The following SMARCAD1 variants were observed in gnomAD, a reference collection of about 807,000 sequenced individuals.
SMARCAD1 encodes the protein SNF2 related chromatin remodeling ATPase with DExD box 1.
A neutral mutation model predicts 127.1 loss-of-function variants in SMARCAD1; 25 were observed. That is an observed-to-expected ratio of 0.20 (90% CI 0.14 to 0.27). The LOEUF is 0.27. Ranked by LOEUF, SMARCAD1 falls within the 10% of genes least tolerant of loss-of-function variation. The probability of loss-of-function intolerance (pLI) is 1.00; values close to 1 mark genes in which losing one functional copy is unlikely to be tolerated. For synonymous variants in SMARCAD1, 400 were observed against 396.9 expected (o/e 1.01, Z -0.09); for missense variants, 807 against 1,206.0 (o/e 0.67, Z 4.90).
At chr4:94,280,828 ACTTC>A in intron 20 of SMARCAD1, 48 bp downstream of exon 20, 1 of 1,576,566 alleles carries the variant, frequency 6.3e-7, no homozygotes, top group Non-Finnish European at 8.7e-7. Context: ...AATTACTTTA[ACTTC>A]TTAAAGCAAT....
chr4:94,229,646 T>G (rs185127056), intron 3 of SMARCAD1, among the ~76,000 whole-genome samples: 156 of 152,212 alleles, frequency 1.0e-3, no homozygotes, highest in African/African-American at 3.7e-3. Flanking sequence ...GAAATGATAC[T>G]TGGAAATATA....
intron 3 of SMARCAD1, 55 bp downstream of exon 3, chr4:94,226,351 A>G (rs901280853): frequency 2.1e-5 from 31 of 1,485,998 alleles, no homozygotes; most frequent in Non-Finnish European, 2.9e-5. Context: ...TTTCCAAGAA[A>G]AAAACCTACC....
At chr4:94,261,125 A>G (rs1288954525) in intron 9 of SMARCAD1, among the ~76,000 whole-genome samples, 1 of 151,850 alleles carries the variant, frequency 6.6e-6, no homozygotes, top group East Asian at 1.9e-4. Flanking sequence ...GAATAGTACT[A>G]TATTCTTTTT....
rs1250172957 is a variant in SMARCAD1 at position 94,225,889 on chromosome 4, G to C, written c.191-230G>C. 3.9e-5 allele frequency among the ~76,000 whole-genome samples: 6 copies of C among 152,226 alleles called. No homozygotes were observed. The East Asian group carries it at 1.2e-3, about 29-fold the overall frequency. ...ATTAGAATATAAAACACAAACCTAT[G>C]TTATTTTGCAGTTTCCACTAAAGTC... On this transcript the variant is annotated intron_variant, in intron 2 of 23. Transcript: ENST00000354268.
rs115984326 is a variant in SMARCAD1 at position 94,279,581 on chromosome 4, A to G, written c.2418+531A>G. On this transcript the variant is annotated intron_variant, in intron 19 of 23. Coordinates refer to ENST00000354268, the MANE Select transcript of SMARCAD1 (RefSeq NM_020159.5). ...TATAAATAAGGTTTTACTATAACAC[A>G]GTCATGCCTGTTTTTGTTTTCTGGG... is the stretch of plus-strand genomic sequence containing the variant. Among the ~76,000 whole-genome samples the G allele has an allele frequency of 8.4e-3, 1,283 of 152,312 alleles. 16 individuals are homozygous for G. The highest frequency in any genetic ancestry group is 0.029 in the African/African-American group (1,209 of 41,572).
At chr4:94,259,437 T>C (rs1305687494) in intron 9 of SMARCAD1, among the ~76,000 whole-genome samples, 1 of 152,230 alleles carries the variant, frequency 6.6e-6, no homozygotes, top group African/African-American at 2.4e-5. Flanking sequence ...TGGATTGTTA[T>C]TAGATAGATC....
intron 6 of SMARCAD1, among the ~76,000 whole-genome samples, chr4:94,243,795 A>G (rs977718135): frequency 6.6e-6 from 1 of 152,160 alleles, no homozygotes. Flanking sequence ...TTAGGTGGTG[A>G]TATGCTATTC....
At chr4:94,234,905 A>C (rs1197472117) in intron 4 of SMARCAD1, among the ~76,000 whole-genome samples, 1 of 152,144 alleles carries the variant, frequency 6.6e-6, no homozygotes. Flanking sequence ...AGACTAGTAT[A>C]CTATAGAGTA....
At chr4:94,249,785 G>GT (rs1748999877) in intron 7 of SMARCAD1, 30 bp downstream of exon 7, 1 of 1,210,828 alleles carries the variant, frequency 8.3e-7, no homozygotes, top group Admixed American at 1.7e-5. Context: ...AATTTAATCA[G>GT]TGTGTACTAA....
In SMARCAD1 at chr4:94,285,078, T is replaced by C. The variant is rs564844246; in HGVS notation, c.3019+9T>C. The C allele has an allele frequency of 2.8e-5, 43 of 1,552,786 alleles. 1 individual carries two copies. In the South Asian group the frequency reaches 3.9e-4, roughly 14 times the overall value. On this transcript the variant is annotated intron_variant, in intron 23 of 23. Transcript: ENST00000354268. Reference sequence around the variant, plus strand: ...GACTACAGTAGATGAAGGTGAGTTGTTTGTAAGCAGAAACTTCAATATTTA... The same window carrying C: ...GACTACAGTAGATGAAGGTGAGTTGCTTGTAAGCAGAAACTTCAATATTTA...
At chr4:94,268,819 A>G (rs1235036503) in intron 10 of SMARCAD1, among the ~76,000 whole-genome samples, 1 of 152,220 alleles carries the variant, frequency 6.6e-6, no homozygotes, top group Admixed American at 6.5e-5. Context: ...TATTAAGCCC[A>G]TAGCATAGTC....
chr4:94,282,098 T>TTTC (rs967458319), intron 21 of SMARCAD1, among the ~76,000 whole-genome samples: 6 of 15,604 alleles, frequency 3.8e-4, no homozygotes, highest in Admixed American at 1.4e-3. Context: ...ATACGTTTTT[T>TTTC]TGTTTTTTTT....
At chr4:94,217,831 A>T (rs950552770) in intron 2 of SMARCAD1, among the ~76,000 whole-genome samples, 1 of 152,208 alleles carries the variant, frequency 6.6e-6, no homozygotes, top group Non-Finnish European at 1.5e-5. Flanking sequence ...AAATATGTAT[A>T]ACTACAATTT....
chr4:94,251,617 AT>A (rs1344753999), intron 8 of SMARCAD1, among the ~76,000 whole-genome samples: 1 of 152,282 alleles, frequency 6.6e-6, no homozygotes, highest in East Asian at 1.9e-4. Flanking sequence ...CATTTTGCTT[AT>A]TTTTTATAAA....
At chr4:94,251,872 G>GA (rs1480514583) in intron 8 of SMARCAD1, among the ~76,000 whole-genome samples, 1 of 151,432 alleles carries the variant, frequency 6.6e-6, no homozygotes, top group Non-Finnish European at 1.5e-5. Context: ...TTTTTTTTGA[G>GA]ACGGAGTCTT....
intron 3 of SMARCAD1, among the ~76,000 whole-genome samples, chr4:94,228,072 C>G (rs1189645358): frequency 6.6e-6 from 1 of 152,106 alleles, no homozygotes; most frequent in Non-Finnish European, 1.5e-5. Flanking sequence ...TAAGAAAGAG[C>G]AAGAGATCGG....
At chr4:94,226,974 G>A (rs889895059) in intron 3 of SMARCAD1, among the ~76,000 whole-genome samples, 3 of 151,990 alleles carry the variant, frequency 2.0e-5, no homozygotes, top group African/African-American at 7.3e-5. Flanking sequence ...AAAGTGCTGG[G>A]ATTACAGGCG....
chr4:94,263,583 CTG>C (rs557791618), intron 9 of SMARCAD1, among the ~76,000 whole-genome samples: 121 of 152,040 alleles, frequency 8.0e-4, no homozygotes, highest in African/African-American at 2.8e-3. Context: ...TTGCTATAAA[CTG>C]TATTTTATTT....
Position 94,264,893 on chromosome 4 carries a change from A to C in SMARCAD1, c.1468A>C (p.Ile490Leu), listed in dbSNP as rs779817379. The C allele has an allele frequency of 1.2e-6, 2 of 1,611,988 alleles. No individual in the cohort carries two copies. The highest frequency in any genetic ancestry group is 4.5e-5 in the East Asian group (2 of 44,748). ...GGGWNIEQPS[I>L]LNQSLSLKPY... is the part of the protein sequence containing the mutation. The stretch of plus-strand genomic sequence containing the variant: ...TGGATGGAACATAGAACAACCTTCC[A>C]TTCTAAACCAAAGGTAATCTTTGTT... Residue 490 changes from isoleucine to leucine, a missense_variant, in exon 10 of 24, where the codon ATT becomes CTT. This residue lies in a region of SMARCAD1 where 257 missense variants were observed against 303.4 expected (regional missense o/e 0.85). Transcript: ENST00000354268.
Sources: gnomAD v4.1 joint callset for allele counts (sites outside exome capture counted in the v4.1 genomes callset) on GRCh38, gnomAD v4.1.1 for gene constraint, gnomAD v4.1.1 regional missense constraint, MANE v1.5 for transcripts, NCBI Gene and HGNC (gene_info 2026-07-23, HGNC 2026-07-21) for gene names.